The following WDR33 variants were observed in gnomAD, a reference collection of about 807,000 sequenced individuals.
WDR33 encodes the protein WD repeat domain 33, also known as pre-mRNA 3' end processing protein WDR33.
A neutral mutation model predicts 164.9 loss-of-function variants in WDR33; 47 were observed. The observed-to-expected ratio is 0.29, with a 90% CI of 0.23 to 0.36. WDR33 has a LOEUF of 0.36. Ranked by LOEUF, WDR33 falls within the 10% of genes least tolerant of loss-of-function variation. The pLI is 1.00. For synonymous variants in WDR33, 505 were observed against 589.0 expected (o/e 0.86, Z 2.06); for missense variants, 1,137 against 1,754.1 (o/e 0.65, Z 6.28).
At chr2:127,789,520 C>T (rs1688767224) in intron 1 of WDR33, among the ~76,000 whole-genome samples, 1 of 146,490 alleles carries the variant, frequency 6.8e-6, no homozygotes, top group South Asian at 2.3e-4. Context: ...GCCAACACAG[C>T]GAAACCCCGT....
Position 127,710,787 on chromosome 2 carries a change from T to A in WDR33, c.3309-931A>T, listed in dbSNP as rs1686141702. Among the ~76,000 whole-genome samples, 1 of 152,224 alleles carries A rather than the reference T, an allele frequency of 6.6e-6. No individual in the cohort carries two copies. The highest frequency in any genetic ancestry group is 1.5e-5 in the Non-Finnish European group (1 of 68,048). ...TCCCAGGCCAGGCCTCTGCTCTTCC[T>A]CAGGTTTCCATTCCATTGCCTTTAT... is the stretch of plus-strand genomic sequence containing the variant. On this transcript the variant is annotated intron_variant, in intron 18 of 21. Transcript: ENST00000322313. The surrounding 1 kb of genome is among the most constrained non-coding windows in gnomAD (Gnocchi z 4.4).
chr2:127,756,110 G>A (rs1320725674), intron 7 of WDR33, among the ~76,000 whole-genome samples: 1 of 152,078 alleles, frequency 6.6e-6, no homozygotes, highest in Admixed American at 6.6e-5. Context: ...GAGACGAGCG[G>A]ATCACTTGAG....
Position 127,721,203 on chromosome 2 carries a change from G to A in WDR33, c.1671+633C>T, listed in dbSNP as rs1686430061. 1.3e-5 allele frequency among the ~76,000 whole-genome samples: 2 copies of A among 152,108 alleles called. No individual in the cohort carries two copies. Among genetic ancestry groups the A allele is most frequent in the Admixed American group, 1.3e-4 (2 of 15,270 alleles). On this transcript the variant is annotated intron_variant, in intron 15 of 21. Transcript: ENST00000322313. The surrounding 1 kb of genome is among the most constrained non-coding windows in gnomAD (Gnocchi z 4.9). ...GCTCACTGAAACTTCTGCCTCTGGA[G>A]TTCAAGCCATTTTCCTGCCTCAGCC...
chr2:127,732,053 A>G (rs1686720649), intron 7 of WDR33, among the ~76,000 whole-genome samples: 1 of 151,808 alleles, frequency 6.6e-6, no homozygotes, highest in Non-Finnish European at 1.5e-5. Flanking sequence ...TTGCCATTAC[A>G]TTCCAGGCTG....
At position 127,748,591 on chromosome 2, in the gene WDR33, T is replaced by C. The variant is rs1300449345; in HGVS notation, c.724+14471A>G. ...GGAGAAGCTTTTACAGCCAAATTGA[T>C]CAAGAGAATAAGCAGGAGTTAATCA... On this transcript the variant is annotated intron_variant, in intron 7 of 21. Coordinates refer to ENST00000322313, the MANE Select transcript of WDR33 (RefSeq NM_018383.5). 3.9e-5 allele frequency among the ~76,000 whole-genome samples: 6 copies of C among 152,150 alleles called. No homozygotes were observed. In the East Asian group the frequency reaches 1.2e-3, roughly 29 times the overall value.
intron 7 of WDR33, among the ~76,000 whole-genome samples, chr2:127,760,752 ATT>A (rs1324041166): frequency 1.3e-5 from 2 of 152,210 alleles, no homozygotes; most frequent in East Asian, 1.9e-4. Context: ...TACTAAAAAT[ATT>A]GTTACTGTAA....
intron 1 of WDR33, among the ~76,000 whole-genome samples, chr2:127,778,703 A>C (rs1279136557): frequency 6.6e-6 from 1 of 152,192 alleles, no homozygotes; most frequent in Non-Finnish European, 1.5e-5. Flanking sequence ...TTAAATTCTG[A>C]GTAAAGTGAG....
In WDR33 at chr2:127,738,115, T is replaced by A. The variant is rs566547958; in HGVS notation, c.725-11338A>T. On this transcript the variant is annotated intron_variant, in intron 7 of 21. Coordinates refer to ENST00000322313, the MANE Select transcript of WDR33 (RefSeq NM_018383.5). This position sits in a 1 kb window ranked among gnomAD's most constrained non-coding sequence, Gnocchi z 4.4. ...ACTGTGCAGGCAGGTATCTATCACATGAGCCCTGGCAGATTGTGTAATTTC... is the reference window on the plus strand; with the variant it reads ...ACTGTGCAGGCAGGTATCTATCACAAGAGCCCTGGCAGATTGTGTAATTTC... The A allele has an allele frequency of 6.7e-6, 10 of 1,493,036 alleles. No individual in the cohort carries two copies. In the African/African-American group the frequency reaches 1.4e-4, roughly 21 times the overall value. 92.5% of individuals were successfully genotyped at this position (1,493,036 alleles called of 1,614,324 possible).
chr2:127,743,329 T>C (rs963929819), intron 7 of WDR33, among the ~76,000 whole-genome samples: 5 of 152,176 alleles, frequency 3.3e-5, no homozygotes, highest in African/African-American at 1.2e-4. Flanking sequence ...AATTAAACTA[T>C]GGCATTATTT....
chr2:127,746,041 T>TAAAAA (rs59854828), intron 7 of WDR33, among the ~76,000 whole-genome samples: 2 of 99,900 alleles, frequency 2.0e-5, no homozygotes, highest in Non-Finnish European at 2.2e-5. Context: ...ATAAAATAAT[T>TAAAAA]AAAAAAAAAA....
rs1023152709 is a variant in WDR33 at position 127,764,991 on chromosome 2, G to A, written c.475-12C>T. 1.9e-6 allele frequency: 3 copies of A among 1,612,358 alleles called. No homozygotes were observed. Among genetic ancestry groups the A allele is most frequent in the Non-Finnish European group, 1.7e-6 (2 of 1,179,278 alleles). Reference sequence around the variant, plus strand: ...GGGCTGTCGTGAGCCTGTGAAAGCAGAAAACATTAATTAGTAAGGTGCTGC... The same window carrying A: ...GGGCTGTCGTGAGCCTGTGAAAGCAAAAAACATTAATTAGTAAGGTGCTGC... On this transcript the variant is annotated splice_polypyrimidine_tract_variant and intron_variant, in intron 5 of 21. Transcript: ENST00000322313. This position sits in a 1 kb window ranked among gnomAD's most constrained non-coding sequence, Gnocchi z 6.2.
intron 7 of WDR33, among the ~76,000 whole-genome samples, chr2:127,744,792 A>G (rs779011610): frequency 3.9e-5 from 6 of 152,148 alleles, no homozygotes; most frequent in Non-Finnish European, 1.5e-5. Flanking sequence ...CATATGGCAT[A>G]TTGTGTAGGT....
chr2:127,794,910 AGCTACTGGGAGGCT>A (rs915513883), intron 1 of WDR33, among the ~76,000 whole-genome samples: 15 of 151,484 alleles, frequency 9.9e-5, no homozygotes, highest in African/African-American at 3.2e-4. Flanking sequence ...CTGTAATCCT[AGCTACTGGGAGGCT>A]GAGGCGGGAG....
rs1208744496 is a variant in WDR33, at chr2:127,741,106, C to T, written c.725-14329G>A. ...AGGGAGACTTGTCCAGGTTGTCCCT[C>T]CTGACTTCCTGTTTCTGTAGAACAG... is the stretch of plus-strand genomic sequence containing the variant. On this transcript the variant is annotated intron_variant, in intron 7 of 21. Coordinates refer to ENST00000322313, the MANE Select transcript of WDR33 (RefSeq NM_018383.5). The surrounding 1 kb of genome is among the most constrained non-coding windows in gnomAD (Gnocchi z 4.1). 1.3e-5 allele frequency among the ~76,000 whole-genome samples: 2 copies of T among 152,216 alleles called. No individual in the cohort carries two copies. The highest frequency in any genetic ancestry group is 4.8e-5 in the African/African-American group (2 of 41,440).
chr2:127,765,998 C>T (rs2105437424), intron 4 of WDR33, among the ~76,000 whole-genome samples: 1 of 152,236 alleles, frequency 6.6e-6, no homozygotes, highest in African/African-American at 2.4e-5. Flanking sequence ...CTTTTAAGTG[C>T]ACCTTTTCTC....
At chr2:127,773,626 G>C (rs1325050560) in intron 1 of WDR33, among the ~76,000 whole-genome samples, 1 of 152,130 alleles carries the variant, frequency 6.6e-6, no homozygotes. Flanking sequence ...AAAGAACTAA[G>C]CAGTTGATTC....
intron 1 of WDR33, among the ~76,000 whole-genome samples, chr2:127,792,225 C>T (rs1688865263): frequency 1.3e-5 from 2 of 151,940 alleles, no homozygotes; most frequent in Non-Finnish European, 2.9e-5. Context: ...AAGCGTGAGC[C>T]ACCACACTCA....
At chr2:127,771,689 A>G (rs873679) in intron 1 of WDR33, among the ~76,000 whole-genome samples, 3,238 of 151,972 alleles carry the variant, frequency 0.021, 126 homozygotes, top group African/African-American at 0.075. Context: ...GAGACAGGAG[A>G]ATCACTTGAG....
intron 7 of WDR33, chr2:127,737,154 T>C (rs1686868858): frequency 1.0e-6 from 1 of 985,442 alleles, no homozygotes; most frequent in Non-Finnish European, 1.2e-6. Context: ...CTTTGCAGAG[T>C]ATTCATCAAA....
Sources: allele counts gnomAD v4.1 joint callset (sites outside exome capture counted in the v4.1 genomes callset), GRCh38; gene constraint gnomAD v4.1.1; non-coding constraint Gnocchi (gnomAD v3.1); transcripts MANE v1.5; gene names NCBI Gene and HGNC (gene_info 2026-07-23, HGNC 2026-07-21).